Variants in COP1 observed in about 807,000 individuals in gnomAD.
COP1 encodes E3 ubiquitin-protein ligase COP1.
In COP1, 24 loss-of-function variants were observed where a neutral mutation model predicts 101.3. The ratio of observed to expected loss-of-function variants is 0.24; its 90% CI spans 0.17 to 0.33. The LOEUF (loss-of-function observed/expected upper bound fraction) is 0.33. Among genes scored for constraint, COP1 ranks in the 10% least tolerant of loss-of-function variants. The pLI, the probability that COP1 is intolerant of heterozygous loss-of-function variation, is 1.00. For synonymous variants in COP1, 347 were observed against 341.9 expected (o/e 1.01, Z -0.17); for missense variants, 663 against 906.2 (o/e 0.73, Z 3.45).
chr1:176,033,293 G>A (rs1668944787), intron 14 of COP1, among the ~76,000 whole-genome samples: 1 of 152,086 alleles, frequency 6.6e-6, no homozygotes, highest in Non-Finnish European at 1.5e-5. Context: ...GAGGGTGGGG[G>A]GAACATGCCT....
chr1:176,206,486 AC>A, intron 1 of COP1, 85 bp downstream of exon 1: 1 of 1,113,856 alleles, frequency 9.0e-7, no homozygotes, highest in Non-Finnish European at 1.3e-6. Context: ...CCAACAAGCC[AC>A]CCCCACACCA....
intron 15 of COP1, 69 bp from the exon 16 acceptor site, chr1:175,989,548 T>G: frequency 1.1e-6 from 1 of 874,678 alleles, no homozygotes. Flanking sequence ...TTTTAACTGG[T>G]TTTTGGTTTT....
intron 11 of COP1, among the ~76,000 whole-genome samples, chr1:176,070,620 C>T: frequency 6.6e-6 from 1 of 152,090 alleles, no homozygotes; most frequent in African/African-American, 2.4e-5. Context: ...CAAGACCGCA[C>T]CACTGCACTC....
chr1:175,949,338 T>A (rs1010823525), intron 18 of COP1, among the ~76,000 whole-genome samples: 2 of 151,880 alleles, frequency 1.3e-5, no homozygotes, highest in African/African-American at 4.8e-5. Context: ...ATTTGGGATT[T>A]ATTTACTCTT....
chr1:176,069,580 A>G (rs1448992258), intron 11 of COP1, among the ~76,000 whole-genome samples: 1 of 152,246 alleles, frequency 6.6e-6, no homozygotes, highest in Non-Finnish European at 1.5e-5. Flanking sequence ...ACAAAGATGA[A>G]GAAGTATTCT....
At chr1:176,012,178 G>C (rs1557919857) in intron 15 of COP1, among the ~76,000 whole-genome samples, 1 of 152,194 alleles carries the variant, frequency 6.6e-6, no homozygotes, top group East Asian at 1.9e-4. Flanking sequence ...CTAAGCCATA[G>C]GTTGGAGAAC....
chr1:175,950,482 G>A (rs2148487237), intron 18 of COP1, among the ~76,000 whole-genome samples: 1 of 152,230 alleles, frequency 6.6e-6, no homozygotes, highest in Non-Finnish European at 1.5e-5. Context: ...GTACGTACAA[G>A]GTTATTAATG....
chr1:176,102,636 C>A (rs1683612454), intron 9 of COP1, among the ~76,000 whole-genome samples: 1 of 152,216 alleles, frequency 6.6e-6, no homozygotes, highest in Admixed American at 6.5e-5. Context: ...AAACAAACCT[C>A]CTTCTTGCCT....
intron 18 of COP1, among the ~76,000 whole-genome samples, chr1:175,962,310 G>C (rs1165376007): frequency 1.3e-5 from 2 of 151,958 alleles, no homozygotes; most frequent in African/African-American, 4.8e-5. Context: ...ACCAGGAAAG[G>C]GATAACAACC....
chr1:176,086,026 CTGAGA>C, intron 9 of COP1, 136 bp from the exon 10 acceptor site: 1 of 472,394 alleles, frequency 2.1e-6, no homozygotes, highest in Non-Finnish European at 3.9e-6. Context: ...AACTGTAATT[CTGAGA>C]TATTTTCCAA....
At chr1:176,146,361 C>CAA (rs960177771) in intron 6 of COP1, among the ~76,000 whole-genome samples, 19 of 152,198 alleles carry the variant, frequency 1.2e-4, no homozygotes, top group African/African-American at 3.9e-4. Flanking sequence ...TCTTAGTATT[C>CAA]AAACCCTTGT....
intron 15 of COP1, among the ~76,000 whole-genome samples, chr1:175,998,726 T>C (rs1660893115): frequency 1.3e-5 from 2 of 152,200 alleles, no homozygotes; most frequent in Non-Finnish European, 2.9e-5. Context: ...TGTAAGTTAA[T>C]TAAAATTTGG....
At chr1:176,115,758 A>G (rs1420336196) in intron 9 of COP1, among the ~76,000 whole-genome samples, 1 of 152,134 alleles carries the variant, frequency 6.6e-6, no homozygotes, top group African/African-American at 2.4e-5. Context: ...AATAAAATAA[A>G]ATAAAATATA....
intron 11 of COP1, among the ~76,000 whole-genome samples, chr1:176,069,099 C>T (rs753257650): frequency 1.3e-5 from 2 of 151,868 alleles, no homozygotes; most frequent in Non-Finnish European, 2.9e-5. Context: ...GTGGGAGGAT[C>T]ACTTGAGCCT....
intron 18 of COP1, among the ~76,000 whole-genome samples, chr1:175,951,461 T>TATATATATAA (rs1214036206): frequency 1.8e-5 from 1 of 54,934 alleles, no homozygotes; most frequent in Non-Finnish European, 4.3e-5. Flanking sequence ...TATATATATA[T>TATATATATAA]AAAAACTTCC....
intron 15 of COP1, among the ~76,000 whole-genome samples, chr1:176,008,287 C>T (rs889001866): frequency 9.2e-5 from 14 of 152,192 alleles, no homozygotes; most frequent in African/African-American, 3.1e-4. Context: ...GATGGAAATG[C>T]AGAAATCACC....
intron 15 of COP1, among the ~76,000 whole-genome samples, chr1:176,023,718 CAA>C (rs759455090): frequency 2.5e-5 from 3 of 122,074 alleles, no homozygotes; most frequent in African/African-American, 3.6e-5. Flanking sequence ...AACTCCATCT[CAA>C]AAAAAAAAAA....
At chr1:176,181,786 T>G (rs1697802970) in intron 2 of COP1, among the ~76,000 whole-genome samples, 1 of 151,368 alleles carries the variant, frequency 6.6e-6, no homozygotes, top group East Asian at 1.9e-4. Context: ...GAGGTTGCAG[T>G]GAGCGGAGAT....
At chr1:176,140,280 C>T (rs1690465563) in intron 6 of COP1, among the ~76,000 whole-genome samples, 1 of 152,136 alleles carries the variant, frequency 6.6e-6, no homozygotes, top group African/African-American at 2.4e-5. Flanking sequence ...ACAGCAATTT[C>T]ATATGGTTCA....
Sources: gnomAD v4.1 joint callset for allele counts (sites outside exome capture counted in the v4.1 genomes callset) on GRCh38, gnomAD v4.1.1 for gene constraint, MANE v1.5 for transcripts, NCBI Gene and HGNC (gene_info 2026-07-23, HGNC 2026-07-21) for gene names.